Variants in ZEB1 observed in about 807,000 individuals in gnomAD.
The protein encoded by ZEB1 is zinc finger E-box binding homeobox 1, also known as zinc finger E-box-binding homeobox 1.
A neutral mutation model predicts 84.9 loss-of-function variants in ZEB1; 21 were observed. The ratio of observed to expected loss-of-function variants is 0.25; its 90% CI spans 0.18 to 0.36. The LOEUF is 0.36. Ranked by LOEUF, ZEB1 falls within the 10% of genes least tolerant of loss-of-function variation. The pLI is 1.00. For synonymous variants in ZEB1, 420 were observed against 471.1 expected (o/e 0.89, Z 1.41); for missense variants, 1,104 against 1,330.2 (o/e 0.83, Z 2.65).
intron 1 of ZEB1, among the ~76,000 whole-genome samples, chr10:31,324,221 T>C (rs2034921218): frequency 6.6e-6 from 1 of 152,048 alleles, no homozygotes; most frequent in Admixed American, 6.5e-5. Context: ...ATGTGAAATA[T>C]TTGTTTAATA....
intron 1 of ZEB1, among the ~76,000 whole-genome samples, chr10:31,432,942 G>C (rs369539783): frequency 6.6e-6 from 1 of 152,142 alleles, no homozygotes; most frequent in South Asian, 2.1e-4. Flanking sequence ...TATTCTAGCT[G>C]TTGCAATGTG....
intron 2 of ZEB1, among the ~76,000 whole-genome samples, chr10:31,492,420 C>T (rs1171565788): frequency 1.6e-4 from 25 of 151,872 alleles, no homozygotes; most frequent in Non-Finnish European, 4.4e-5. Flanking sequence ...CTAGGCTGAA[C>T]TGTGTTGTTC....
At chr10:31,445,818 C>A (rs1338273090) in intron 1 of ZEB1, among the ~76,000 whole-genome samples, 2 of 109,056 alleles carry the variant, frequency 1.8e-5, no homozygotes, top group African/African-American at 3.7e-5. Context: ...TTCGGTTTGC[C>A]AGTATTTTAT....
chr10:31,470,209 C>T (rs575785375), intron 2 of ZEB1, among the ~76,000 whole-genome samples: 2,343 of 152,038 alleles, frequency 0.015, 60 homozygotes, highest in African/African-American at 0.054. Context: ...CAAAGCTGGA[C>T]GGAGAACGAC....
chr10:31,514,837 A>G, intron 6 of ZEB1, 129 bp downstream of exon 6: 1 of 721,628 alleles, frequency 1.4e-6, no homozygotes, highest in Non-Finnish European at 2.3e-6. Context: ...ACTAATTGGG[A>G]GAAATTTTAT....
intron 1 of ZEB1, among the ~76,000 whole-genome samples, chr10:31,416,376 A>G (rs1017735055): frequency 9.9e-5 from 15 of 152,126 alleles, no homozygotes; most frequent in Admixed American, 9.8e-4. Flanking sequence ...ATAAAATACT[A>G]ATTTATTTCT....
rs2073773739 is a variant in ZEB1, at chr10:31,527,885, T to C, written c.*621T>C. On this transcript the variant is annotated 3_prime_UTR_variant, in exon 9 of 9. Coordinates refer to ENST00000424869, the MANE Select transcript of ZEB1 (RefSeq NM_001174096.2). ...TATTTAGATGTCTTAGTAGAGCGTA[T>C]TATCATTTAAAGTGTATTGTTAGCC... is the stretch of plus-strand genomic sequence containing the variant. The C allele has an allele frequency of 2.0e-5, 3 of 152,896 alleles. No individual in the cohort carries two copies. Among genetic ancestry groups the C allele is most frequent in the Admixed American group, 2.0e-4 (3 of 15,324 alleles). The allele number at this position is 152,896 out of a possible 1,614,324, so 9.5% of individuals were successfully genotyped here.
chr10:31,411,660 G>C (rs1405697932), intron 1 of ZEB1, among the ~76,000 whole-genome samples: 1 of 134,240 alleles, frequency 7.4e-6, no homozygotes, highest in Admixed American at 7.2e-5. Flanking sequence ...AAAAAAAGCA[G>C]CATTAGGAGA....
chr10:31,341,163 G>T (rs1241477156), intron 1 of ZEB1, among the ~76,000 whole-genome samples: 2 of 152,098 alleles, frequency 1.3e-5, no homozygotes, highest in African/African-American at 4.8e-5. Flanking sequence ...TACTCTGATA[G>T]CTGATGTGAA....
chr10:31,357,464 C>T (rs913601122), intron 1 of ZEB1, among the ~76,000 whole-genome samples: 2 of 152,004 alleles, frequency 1.3e-5, no homozygotes, highest in Non-Finnish European at 2.9e-5. Context: ...ACATCATGGG[C>T]CCCTGAAAGC....
chr10:31,522,675 C>T (rs904058899), intron 7 of ZEB1, among the ~76,000 whole-genome samples: 3 of 152,140 alleles, frequency 2.0e-5, no homozygotes, highest in African/African-American at 7.2e-5. Context: ...CAGACTTTTT[C>T]CATGTCACTG....
chr10:31,379,165 A>T (rs2047197555), intron 1 of ZEB1, among the ~76,000 whole-genome samples: 1 of 152,070 alleles, frequency 6.6e-6, no homozygotes, highest in Admixed American at 6.6e-5. Flanking sequence ...CATTTGAATC[A>T]TGAGATAATT....
At chr10:31,334,941 T>G (rs1395945885) in intron 1 of ZEB1, among the ~76,000 whole-genome samples, 1 of 152,034 alleles carries the variant, frequency 6.6e-6, no homozygotes, top group Non-Finnish European at 1.5e-5. Flanking sequence ...TACAAAACAT[T>G]CAAGGAACAA....
chr10:31,498,761 A>G (rs1591879942), intron 3 of ZEB1, among the ~76,000 whole-genome samples: 1 of 151,988 alleles, frequency 6.6e-6, no homozygotes, highest in African/African-American at 2.4e-5. Context: ...TATCTTTTTT[A>G]AAAATATGAA....
At chr10:31,347,915 C>A (rs1444053013) in intron 1 of ZEB1, among the ~76,000 whole-genome samples, 1 of 152,114 alleles carries the variant, frequency 6.6e-6, no homozygotes, top group Non-Finnish European at 1.5e-5. Context: ...GATATGAATT[C>A]CAGGGCCCTT....
chr10:31,321,480 T>C, intron 1 of ZEB1: 1 of 1,613,942 alleles, frequency 6.2e-7, no homozygotes, highest in Non-Finnish European at 8.5e-7. Context: ...CGTCAAATAG[T>C]GTGTGTTCCA....
intron 1 of ZEB1, chr10:31,321,791 T>C: frequency 1.9e-6 from 1 of 523,484 alleles, no homozygotes; most frequent in Admixed American, 3.2e-5. Flanking sequence ...TCCTGAAAGA[T>C]ACTTGAAATC....
intron 1 of ZEB1, among the ~76,000 whole-genome samples, chr10:31,373,349 A>G (rs2046044749): frequency 6.6e-6 from 1 of 151,940 alleles, no homozygotes; most frequent in Non-Finnish European, 1.5e-5. Flanking sequence ...GAATGGTTTT[A>G]TAGATAAGAG....
At chr10:31,427,117 C>A (rs945904048) in intron 1 of ZEB1, among the ~76,000 whole-genome samples, 3 of 151,498 alleles carry the variant, frequency 2.0e-5, no homozygotes, top group African/African-American at 7.3e-5. Flanking sequence ...TAGGTGTGTG[C>A]AAGCTTGTCG....
Sources: allele counts gnomAD v4.1 joint callset (sites outside exome capture counted in the v4.1 genomes callset), GRCh38; gene constraint gnomAD v4.1.1; transcripts MANE v1.5; gene names NCBI Gene and HGNC (gene_info 2026-07-23, HGNC 2026-07-21).